Variants in ACSL3 observed in about 807,000 individuals in gnomAD.
The protein encoded by ACSL3 is fatty acid CoA ligase Acsl3.
Under a neutral mutation model 84.7 loss-of-function variants are expected in ACSL3, and 34 were observed. That is an observed-to-expected ratio of 0.40 (90% CI 0.31 to 0.53). The LOEUF is 0.53. ACSL3 is among the 20% of genes least tolerant of loss of function. The probability of loss-of-function intolerance (pLI) is 0.48; values close to 1 mark genes in which losing one functional copy is unlikely to be tolerated. For synonymous variants in ACSL3, 315 were observed against 299.4 expected (o/e 1.05, Z -0.54); for missense variants, 680 against 873.1 (o/e 0.78, Z 2.79).
intron 16 of ACSL3, among the ~76,000 whole-genome samples, chr2:222,937,915 T>C (rs1170391553): frequency 3.9e-5 from 6 of 152,166 alleles, no homozygotes; most frequent in Admixed American, 3.9e-4. Flanking sequence ...TGTGTATAAT[T>C]ACATTCTTTG....
rs13002795 is a variant in ACSL3 at position 222,867,993 on chromosome 2, T to A, written c.-207+6735T>A. Among the ~76,000 whole-genome samples, 1,132 of 150,640 alleles carry A rather than the reference T, an allele frequency of 7.5e-3. 22 individuals carry two copies. Among genetic ancestry groups the A allele is most frequent in the African/African-American group, 0.025 (1,041 of 41,096 alleles). ...TAACTTTCTTTGCTTTTTTTTTTTT[T>A]AAATAAAAATATCTTAAAATATAGA... On this transcript the variant is annotated intron_variant, in intron 1 of 16. Transcript: ENST00000357430.
At chr2:222,861,362 G>A (rs1222684156) in intron 1 of ACSL3, 104 bp downstream of exon 1, 6 of 151,734 alleles carry the variant, frequency 4.0e-5, no homozygotes, top group Non-Finnish European at 8.8e-5. Flanking sequence ...CGGGGCCTGG[G>A]ACCCTGTCGT....
chr2:222,918,208 C>A, intron 6 of ACSL3, 53 bp downstream of exon 6: 1 of 1,213,674 alleles, frequency 8.2e-7, no homozygotes, highest in Non-Finnish European at 1.2e-6. Context: ...TTTTCAGTGT[C>A]ATGAGCCCTA....
intron 11 of ACSL3, among the ~76,000 whole-genome samples, chr2:222,926,446 T>G (rs1696875494): frequency 6.6e-6 from 1 of 152,310 alleles, no homozygotes; most frequent in African/African-American, 2.4e-5. Context: ...ATCAAGGCAG[T>G]ATGCAATCTT....
rs57522671 is a variant in ACSL3, at chr2:222,901,964, A to AAAG, written c.-41+1184_-41+1185insAAG. On this transcript the variant is annotated intron_variant, in intron 3 of 16. Coordinates refer to ENST00000357430, the MANE Select transcript of ACSL3 (RefSeq NM_004457.5). The stretch of plus-strand genomic sequence containing the variant: ...GTCTCAAAAAAAAAAAAAAAAAAAA[A>AAAG]GAACTCAAATATTGTTGAGGTAGCA... Among the ~76,000 whole-genome samples the AAAG allele has an allele frequency of 1.1e-3, 105 of 99,448 alleles. 7 individuals are homozygous for AAAG. The highest frequency in any genetic ancestry group is 4.1e-3 in the African/African-American group (102 of 24,622). The allele number at this position is 99,448 out of a possible 152,430, so 65.2% of individuals were successfully genotyped here.
chr2:222,918,163 C>T lies in ACSL3; in HGVS notation c.666+8C>T, dbSNP rs1245726297. 6.4e-7 allele frequency: 1 copy of T among 1,562,520 alleles called. No homozygotes were observed. Among genetic ancestry groups the T allele is most frequent in the Non-Finnish European group, 8.8e-7 (1 of 1,135,556 alleles). On this transcript the variant is annotated splice_region_variant and intron_variant, in intron 6 of 16. Transcript: ENST00000357430. ...TTACAAACAAAGTTGAAGGTGAGGA[C>T]TCTAGTTACTTTCTAACTGTCTGAT...
At chr2:222,938,825 CT>C (rs1267138540) in intron 16 of ACSL3, among the ~76,000 whole-genome samples, 1 of 152,106 alleles carries the variant, frequency 6.6e-6, no homozygotes, top group African/African-American at 2.4e-5. Context: ...CATTTTTCCT[CT>C]CTTAGTAATT....
intron 11 of ACSL3, 45 bp downstream of exon 11, chr2:222,924,640 T>A (rs1201891355): frequency 4.6e-6 from 7 of 1,523,748 alleles, no homozygotes; most frequent in Non-Finnish European, 6.2e-6. Flanking sequence ...CTTGATAATT[T>A]AATCATTTAG....
intron 10 of ACSL3, 66 bp from the exon 11 acceptor site, chr2:222,924,390 A>G: frequency 7.4e-7 from 1 of 1,356,372 alleles, no homozygotes; most frequent in Non-Finnish European, 9.9e-7. Flanking sequence ...TGTTAATCTA[A>G]TGCTAAGTGA....
chr2:222,935,530 T>C (rs1055069772), intron 16 of ACSL3, among the ~76,000 whole-genome samples: 4 of 152,182 alleles, frequency 2.6e-5, no homozygotes, highest in Non-Finnish European at 5.9e-5. Flanking sequence ...TTTTAGTCTC[T>C]TCACATTTCA....
At chr2:222,885,750 C>CT (rs147931516) in intron 1 of ACSL3, among the ~76,000 whole-genome samples, 11,289 of 148,934 alleles carry the variant, frequency 0.076, 502 homozygotes, top group Middle Eastern at 0.13. Context: ...AAGGTCTGTC[C>CT]TTTTTTTTTT....
intron 16 of ACSL3, among the ~76,000 whole-genome samples, chr2:222,937,081 T>C (rs1697192170): frequency 6.6e-6 from 1 of 152,188 alleles, no homozygotes; most frequent in South Asian, 2.1e-4. Flanking sequence ...TTGCATTTAT[T>C]TGTGTCTTTT....
At chr2:222,866,330 A>G (rs1311942145) in intron 1 of ACSL3, among the ~76,000 whole-genome samples, 1 of 152,054 alleles carries the variant, frequency 6.6e-6, no homozygotes, top group Non-Finnish European at 1.5e-5. Context: ...TATTTTCGGT[A>G]GAGATGGGGT....
chr2:222,878,653 C>G (rs1437114199), intron 1 of ACSL3, among the ~76,000 whole-genome samples: 1 of 152,184 alleles, frequency 6.6e-6, no homozygotes, highest in Non-Finnish European at 1.5e-5. Flanking sequence ...CTGTTTGGAG[C>G]CCCAGCCCTG....
rs1198936703 is a variant in ACSL3, at chr2:222,942,981, A to C, written c.*1327A>C. On this transcript the variant is annotated 3_prime_UTR_variant, in exon 17 of 17. Transcript: ENST00000357430. The stretch of plus-strand genomic sequence containing the variant: ...TATCAAAAGCAATAGTGCACCAATT[A>C]AGATGTGCTCAAATCAGGACTTAAA... The C allele has an allele frequency of 8.9e-6, 2 of 225,580 alleles. No individual in the cohort carries two copies. The highest frequency in any genetic ancestry group is 2.2e-5 in the African/African-American group (1 of 44,912). 14.0% of individuals were successfully genotyped at this position (225,580 alleles called of 1,614,324 possible). A position where few individuals can be genotyped will look rare whatever the true frequency, so the allele number is the denominator to read the frequency against.
In ACSL3 at chr2:222,871,896, A is replaced by G. The variant is rs964120261; in HGVS notation, c.-207+10638A>G. ...CTTTGGGACCACAGATGTGAATGTT[A>G]TTATTATTATTTTTGCTTCTCTGCT... On this transcript the variant is annotated intron_variant, in intron 1 of 16. Coordinates refer to ENST00000357430, the MANE Select transcript of ACSL3 (RefSeq NM_004457.5). Among the ~76,000 whole-genome samples, 8 of 152,130 alleles carry G rather than the reference A, an allele frequency of 5.3e-5. No homozygotes were observed. In the South Asian group the frequency reaches 8.3e-4, roughly 16 times the overall value.
At chr2:222,883,232 G>GA (rs1331231173) in intron 1 of ACSL3, among the ~76,000 whole-genome samples, 1 of 149,724 alleles carries the variant, frequency 6.7e-6, no homozygotes, top group Non-Finnish European at 1.5e-5. Context: ...CCAGGCTGGA[G>GA]TATAGTGGCA....
At chr2:222,886,460 A>AAC (rs1490946622) in intron 1 of ACSL3, among the ~76,000 whole-genome samples, 1 of 152,178 alleles carries the variant, frequency 6.6e-6, no homozygotes, top group Non-Finnish European at 1.5e-5. Context: ...ATTAATAACA[A>AAC]ATTAAAAGTT....
intron 16 of ACSL3, among the ~76,000 whole-genome samples, chr2:222,936,743 C>T (rs1197694141): frequency 6.6e-6 from 1 of 151,660 alleles, no homozygotes; most frequent in East Asian, 1.9e-4. Context: ...GTTTAATTGA[C>T]TCACAGTTCT....
Sources: gnomAD v4.1 joint callset for allele counts (sites outside exome capture counted in the v4.1 genomes callset) on GRCh38, gnomAD v4.1.1 for gene constraint, MANE v1.5 for transcripts, NCBI Gene and HGNC (gene_info 2026-07-23, HGNC 2026-07-21) for gene names.